Variants in VAT1L observed in about 807,000 individuals in gnomAD.
VAT1L encodes vesicle amine transport 1 like, also known as putative NADPH-dependent quinone oxidoreductase VAT1L.
Under a neutral mutation model 44.1 loss-of-function variants are expected in VAT1L, and 34 were observed. The observed-to-expected ratio is 0.77, with a 90% CI of 0.59 to 1.03. The LOEUF is 1.03. VAT1L is among the 50% of genes least tolerant of loss of function. VAT1L has a pLI of 0.00. For synonymous variants in VAT1L, 253 were observed against 202.2 expected (o/e 1.25, Z -2.13); for missense variants, 615 against 538.8 (o/e 1.14, Z -1.40).
In VAT1L at chr16:77,975,065, T is replaced by C. The variant is rs74477015; in HGVS notation, c.1162-2532T>C. On this transcript the variant is annotated intron_variant, in intron 8 of 8. Coordinates refer to ENST00000302536, the MANE Select transcript of VAT1L (RefSeq NM_020927.3). Reference sequence around the variant, plus strand: ...GGGATCCAGTGAGGTCATTTTAGGGTTAGCACCTGACAGAAGAGGAAACAA... The same window carrying C: ...GGGATCCAGTGAGGTCATTTTAGGGCTAGCACCTGACAGAAGAGGAAACAA... Among the ~76,000 whole-genome samples the C allele has an allele frequency of 5.1e-3, 773 of 152,094 alleles. 2 individuals are homozygous for C. Among genetic ancestry groups the C allele is most frequent in the African/African-American group, 0.018 (735 of 41,482 alleles).
At chr16:77,892,606 T>A (rs914695501) in intron 7 of VAT1L, 17 of 669,168 alleles carry the variant, frequency 2.5e-5, no homozygotes, top group African/African-American at 2.1e-4. Context: ...GGTTTATGTG[T>A]CAAGGTGGTG....
At chr16:77,948,763 T>C (rs2142521082) in intron 7 of VAT1L, among the ~76,000 whole-genome samples, 1 of 152,314 alleles carries the variant, frequency 6.6e-6, no homozygotes, top group Non-Finnish European at 1.5e-5. Context: ...ATCCTAGCTC[T>C]TTGACATACT....
At chr16:77,975,671 G>C (rs1323471489) in intron 8 of VAT1L, among the ~76,000 whole-genome samples, 1 of 152,204 alleles carries the variant, frequency 6.6e-6, no homozygotes, top group East Asian at 1.9e-4. Context: ...AAATTTCCTG[G>C]GAAACACTAA....
chr16:77,841,108 T>A (rs2016699940), intron 3 of VAT1L, among the ~76,000 whole-genome samples: 2 of 152,134 alleles, frequency 1.3e-5, no homozygotes, highest in African/African-American at 4.8e-5. Context: ...TGAGGCAGAG[T>A]CTTGCTGTGT....
At chr16:77,820,679 G>T (rs777479477) in intron 2 of VAT1L, among the ~76,000 whole-genome samples, 13 of 152,174 alleles carry the variant, frequency 8.5e-5, no homozygotes, top group Admixed American at 3.9e-4. Flanking sequence ...CTCTTCAAAG[G>T]CTCCTTCACT....
At chr16:77,955,736 A>AAC (rs2018096565) in intron 7 of VAT1L, among the ~76,000 whole-genome samples, 1 of 150,352 alleles carries the variant, frequency 6.7e-6, no homozygotes, top group Admixed American at 6.6e-5. Context: ...CCCCAAAAAA[A>AAC]AAAAAAGAGA....
At position 77,976,769 on chromosome 16, in the gene VAT1L, G is replaced by A. The variant is rs144139521; in HGVS notation, c.1162-828G>A. Among the ~76,000 whole-genome samples, 342 of 152,190 alleles carry A rather than the reference G, an allele frequency of 2.2e-3. 1 individual carries two copies. The highest frequency in any genetic ancestry group is 7.7e-3 in the African/African-American group (321 of 41,492). On this transcript the variant is annotated intron_variant, in intron 8 of 8. Transcript: ENST00000302536. ...AATTTATAAGGTAGGTGGATTTATCGCCACTGTAATGATGGCGGAAATGAA... is the reference window on the plus strand; with the variant it reads ...AATTTATAAGGTAGGTGGATTTATCACCACTGTAATGATGGCGGAAATGAA...
At chr16:77,942,695 T>G (rs2017903370) in intron 7 of VAT1L, among the ~76,000 whole-genome samples, 1 of 152,148 alleles carries the variant, frequency 6.6e-6, no homozygotes, top group South Asian at 2.1e-4. Flanking sequence ...AGAGCAGTGG[T>G]TTGAATTCAG....
chr16:77,972,849 A>G (rs559164056), intron 8 of VAT1L, among the ~76,000 whole-genome samples: 1 of 150,386 alleles, frequency 6.6e-6, no homozygotes, highest in African/African-American at 2.4e-5. Context: ...ATAATTTAAA[A>G]TATTATTTAT....
intron 7 of VAT1L, among the ~76,000 whole-genome samples, chr16:77,888,249 C>A (rs1295610737): frequency 6.6e-6 from 1 of 152,126 alleles, no homozygotes; most frequent in Non-Finnish European, 1.5e-5. Flanking sequence ...TTGAAATGAT[C>A]CTGTTCTTTT....
chr16:77,826,634 G>A (rs997670611), intron 3 of VAT1L, among the ~76,000 whole-genome samples: 1 of 152,126 alleles, frequency 6.6e-6, no homozygotes, highest in East Asian at 1.9e-4. Context: ...CTCATTGCCA[G>A]GCATTCAGTG....
Position 77,862,273 on chromosome 16 carries a change from C to T in VAT1L, c.580-475C>T, listed in dbSNP as rs112137828. Among the ~76,000 whole-genome samples, 1,519 of 152,276 alleles carry T rather than the reference C, an allele frequency of 1.0e-2. 34 individuals are homozygous for T. The highest frequency in any genetic ancestry group is 0.035 in the African/African-American group (1,450 of 41,554). On this transcript the variant is annotated intron_variant, in intron 3 of 8. Transcript: ENST00000302536. ...GTAGGTAGAGGCCTGGAGGGCTAAA[C>T]ATCTGACAATGCATAGTACAGTCTC...
At chr16:77,834,353 C>A (rs1342456358) in intron 3 of VAT1L, among the ~76,000 whole-genome samples, 1 of 152,182 alleles carries the variant, frequency 6.6e-6, no homozygotes, top group African/African-American at 2.4e-5. Flanking sequence ...TAAGCAGCTG[C>A]CCAGCCAGAG....
chr16:77,868,877 G>A (rs891336727), intron 4 of VAT1L, among the ~76,000 whole-genome samples: 6 of 152,180 alleles, frequency 3.9e-5, no homozygotes, highest in African/African-American at 1.2e-4. Flanking sequence ...TTAGATGCCA[G>A]TGGCACCCCC....
chr16:77,894,323 T>G (rs1350704410), intron 7 of VAT1L, among the ~76,000 whole-genome samples: 1 of 152,226 alleles, frequency 6.6e-6, no homozygotes, highest in East Asian at 1.9e-4. Context: ...GCCTTTGGGT[T>G]TGGCCCAGGC....
At chr16:77,802,973 A>G (rs551422024) in intron 1 of VAT1L, among the ~76,000 whole-genome samples, 2 of 152,286 alleles carry the variant, frequency 1.3e-5, no homozygotes, top group Admixed American at 6.5e-5. Flanking sequence ...CAGCCCAGCA[A>G]TGATTTCTTT....
rs183864057 is a variant in VAT1L at position 77,971,764 on chromosome 16, T to C, written c.1078-86T>C. 9 of 1,422,616 alleles carry C rather than the reference T, an allele frequency of 6.3e-6. No homozygotes were observed. The African/African-American group carries it at 1.3e-4, about 20-fold the overall frequency. 88.1% of individuals were successfully genotyped at this position (1,422,616 alleles called of 1,614,324 possible). ...AGCCGCAGCGCCCTCTGGTGGTCAC[T>C]TGACAGTTTGAGTTCTCCAGGCCCC... On this transcript the variant is annotated intron_variant, in intron 7 of 8. Transcript: ENST00000302536.
chr16:77,921,574 C>G (rs2017612412), intron 7 of VAT1L, among the ~76,000 whole-genome samples: 1 of 152,152 alleles, frequency 6.6e-6, no homozygotes, highest in Non-Finnish European at 1.5e-5. Context: ...TAAACCTATG[C>G]AGGACCTTTC....
intron 1 of VAT1L, among the ~76,000 whole-genome samples, chr16:77,793,036 T>G (rs2015862732): frequency 6.6e-6 from 1 of 152,172 alleles, no homozygotes. Context: ...TAGCAAGTAG[T>G]CAAAAAATGG....
Sources: allele counts gnomAD v4.1 joint callset (sites outside exome capture counted in the v4.1 genomes callset), GRCh38; gene constraint gnomAD v4.1.1; transcripts MANE v1.5; gene names NCBI Gene and HGNC (gene_info 2026-07-23, HGNC 2026-07-21).